Variants in WDR97 observed in about 807,000 individuals in gnomAD.
WDR97 encodes the protein WD repeat-containing protein 97.
Under a neutral mutation model 65.4 loss-of-function variants are expected in WDR97, and 111 were observed. The ratio of observed to expected loss-of-function variants is 1.70; its 90% CI spans 1.45 to 1.99. The LOEUF (loss-of-function observed/expected upper bound fraction) is 1.99. Among genes scored for constraint, WDR97 ranks in the 30% most tolerant of loss-of-function variants. The probability of loss-of-function intolerance (pLI) is 0.00; values close to 1 mark genes in which losing one functional copy is unlikely to be tolerated. For synonymous variants in WDR97, 802 were observed against 397.7 expected (o/e 2.02, Z -12.10); for missense variants, 1,674 against 865.0 (o/e 1.94, Z -11.73).
rs866709674 is a variant in WDR97, at chr8:144,109,462, G to A, written c.1128G>A (p.Trp376Ter). The A allele has an allele frequency of 5.7e-6, 4 of 700,358 alleles. No individual in the cohort carries two copies. Among genetic ancestry groups the A allele is most frequent in the Non-Finnish European group, 7.8e-6 (3 of 383,826 alleles). 43.4% of individuals were successfully genotyped at this position (700,358 alleles called of 1,614,324 possible). The change falls in exon 5 of 24, where the codon TGG (tryptophan) becomes TGA (stop). Residue 376 changes from tryptophan (W) to a stop codon, truncating the protein, a stop_gained. Coordinates refer to ENST00000323662, the MANE Select transcript of WDR97 (RefSeq NM_001316309.2). LOFTEE classifies it high-confidence loss of function. Reference protein sequence around the residue: ...AQVGEVALGFWGQDKLSRRVG... With the variant: ...AQVGEVALGF The stretch of plus-strand genomic sequence containing the variant: ...TGGGCGAGGTAGCGCTGGGCTTCTG[G>A]GGCCAGGACAAGCTGTCCCGGCGCG...
intron 1 of WDR97, 69 bp downstream of exon 1, chr8:144,107,931 GTCCCCTGGAACAAA>G: frequency 1.4e-6 from 1 of 702,098 alleles, no homozygotes; most frequent in Non-Finnish European, 2.6e-6. Flanking sequence ...CTTGGGTTCC[GTCCCCTGGAACAAA>G]ACTCCCCTGG....
At position 144,108,740 on chromosome 8, in the gene WDR97, T is replaced by C. The variant is rs1350728489; in HGVS notation, c.674T>C (p.Phe225Ser). The C allele has an allele frequency of 2.9e-6, 2 of 701,268 alleles. No individual in the cohort carries two copies. Among genetic ancestry groups the C allele is most frequent in the South Asian group, 3.0e-5 (2 of 67,536 alleles). The allele number at this position is 701,268 out of a possible 1,614,324, so 43.4% of individuals were successfully genotyped here. A position where few individuals can be genotyped will look rare whatever the true frequency, so the allele number is the denominator to read the frequency against. Residue 225 changes from phenylalanine (F) to serine (S), a missense_variant, in exon 3 of 24, where the codon TTC (phenylalanine) becomes TCC (serine). Physicochemically the swap from Phe to Ser is radical, Grantham distance 155. Transcript: ENST00000323662. ...EMNSSLALWQ[F>S]RSGGRRLVLR... Reference sequence around the variant, plus strand: ...AACAGCAGCCTGGCGCTCTGGCAGTTCCGTTCAGGTGGTCGCCGCCTGGTG... The same window carrying C: ...AACAGCAGCCTGGCGCTCTGGCAGTCCCGTTCAGGTGGTCGCCGCCTGGTG...
Position 144,114,155 on chromosome 8 carries a change from G to A in WDR97, c.3587G>A (p.Ser1196Asn). 1.4e-6 allele frequency: 1 copy of A among 702,688 alleles called. No homozygotes were observed. The highest frequency in any genetic ancestry group is 2.0e-5 in the Admixed American group (1 of 50,000). 43.5% of individuals were successfully genotyped at this position (702,688 alleles called of 1,614,324 possible). A position where few individuals can be genotyped will look rare whatever the true frequency, so the allele number is the denominator to read the frequency against. ...TTCAAAAAGTTGTTCCCCATCTTCA[G>A]CCTGCAGGTTGGAGGGAACTGGGGA... The part of the protein sequence containing the change: ...TWFKKLFPIF[S>N]LQAYPEAGTI... The change falls in exon 18 of 24, where the codon AGC becomes AAC. Residue 1196 changes from serine to asparagine, a missense_variant. Ser to Asn is a conservative substitution (Grantham distance 46). Coordinates refer to ENST00000323662, the MANE Select transcript of WDR97 (RefSeq NM_001316309.2).
chr8:144,110,094 C>CAGGCT lies in WDR97; in HGVS notation c.1701-19_1701-15dup. ...GAAGGAGCGGCAGGGTCCGCGCCAA[C>CAGGCT]AGGCTCTTCCCACTCGCAGGTACCT... On this transcript the variant is annotated intron_variant, in intron 5 of 23. Coordinates refer to ENST00000323662, the MANE Select transcript of WDR97 (RefSeq NM_001316309.2). The CAGGCT allele has an allele frequency of 2.9e-6, 2 of 700,958 alleles. No individual in the cohort carries two copies. The highest frequency in any genetic ancestry group is 5.4e-5 in the East Asian group (2 of 37,234). The allele number at this position is 700,958 out of a possible 1,614,324, so 43.4% of individuals were successfully genotyped here.
In WDR97 at chr8:144,110,014, C is replaced by T; in HGVS notation, c.1680C>T (p.Cys560=). Residue 560 remains cysteine, a synonymous_variant, in exon 5 of 24, where the codon TGC becomes TGT. Coordinates refer to ENST00000323662, the MANE Select transcript of WDR97 (RefSeq NM_001316309.2). The part of the protein sequence containing the change: ...WGELRCSSVA[C]AWKNKNRYLP... ...AGTTGCGCTGCAGCTCTGTGGCCTG[C>T]GCCTGGAAGAACAAGAACCGGTGGG... 1.4e-6 allele frequency: 1 copy of T among 696,828 alleles called. No individual in the cohort carries two copies. Among genetic ancestry groups the T allele is most frequent in the Non-Finnish European group, 2.6e-6 (1 of 380,936 alleles). The allele number at this position is 696,828 out of a possible 1,614,324, so 43.2% of individuals were successfully genotyped here. A position where few individuals can be genotyped will look rare whatever the true frequency, so the allele number is the denominator to read the frequency against.
rs1051968280 is a variant in WDR97 at position 144,111,949 on chromosome 8, G to C, written c.2700G>C (p.Glu900Asp). ...CCGGGACCCTCAGAGTGGAGAGAGA[G>C]ACCCGGGATGTGTGTGCTGTACCCC... is the stretch of plus-strand genomic sequence containing the variant. Reference protein sequence around the residue: ...WSAGTLRVERETRDVCAVPQA... With the variant: ...WSAGTLRVERDTRDVCAVPQA... Residue 900 changes from glutamate (E) to aspartate (D), a missense_variant, in exon 13 of 24, where the codon GAG becomes GAC. Transcript: ENST00000323662. 48 of 702,354 alleles carry C rather than the reference G, an allele frequency of 6.8e-5. No individual in the cohort carries two copies. The highest frequency in any genetic ancestry group is 1.1e-4 in the Non-Finnish European group (44 of 384,942). 43.5% of individuals were successfully genotyped at this position (702,354 alleles called of 1,614,324 possible).
In WDR97 at chr8:144,108,043, C is replaced by G. The variant is rs1230866510; in HGVS notation, c.113-16C>G. ...CTGAGGCTGTAGGTGGCAGAACTTC[C>G]AGTTCCTGCCCGCAGAGTTGACTTT... On this transcript the variant is annotated splice_polypyrimidine_tract_variant and intron_variant, in intron 1 of 23. Coordinates refer to ENST00000323662, the MANE Select transcript of WDR97 (RefSeq NM_001316309.2). 1.4e-6 allele frequency: 1 copy of G among 702,742 alleles called. No individual in the cohort carries two copies. Among genetic ancestry groups the G allele is most frequent in the Admixed American group, 2.0e-5 (1 of 50,024 alleles). 43.5% of individuals were successfully genotyped at this position (702,742 alleles called of 1,614,324 possible).
intron 21 of WDR97, among the ~76,000 whole-genome samples, 186 bp downstream of exon 21, chr8:144,115,097 G>T (rs368626669): frequency 2.0e-5 from 3 of 152,174 alleles, no homozygotes; most frequent in East Asian, 3.9e-4. Flanking sequence ...GTCAGCAGGG[G>T]GTGTCTGGCC....
rs1056134261 is a variant in WDR97, at chr8:144,112,234, GC to G, written c.2907del (p.Ser970ProfsTer3). 5.7e-6 allele frequency: 4 copies of G among 702,550 alleles called. No individual in the cohort carries two copies. The Admixed American group carries it at 8.0e-5, about 14-fold the overall frequency. The allele number at this position is 702,550 out of a possible 1,614,324, so 43.5% of individuals were successfully genotyped here. A position where few individuals can be genotyped will look rare whatever the true frequency, so the allele number is the denominator to read the frequency against. ...CCTCCTATGCCCCAGCTTCTGGCCC[GC>G]TCCTCACTGAGCCACTACCTGGGCA... ...VHSKASQLLA[R>X]SSLSHYLGIS... On this transcript the variant is annotated frameshift_variant, in exon 14 of 24. Coordinates refer to ENST00000323662, the MANE Select transcript of WDR97 (RefSeq NM_001316309.2). LOFTEE classifies it high-confidence loss of function.
rs943819614 is a variant in WDR97, at chr8:144,107,961, C to T, written c.113-98C>T. On this transcript the variant is annotated intron_variant, in intron 1 of 23. Coordinates refer to ENST00000323662, the MANE Select transcript of WDR97 (RefSeq NM_001316309.2). ...CTGGAACAAAACTCCCCTGGGCAGTCCCTGGTAGGGCAGGGCCCCTGGAGG... is the reference window on the plus strand; with the variant it reads ...CTGGAACAAAACTCCCCTGGGCAGTTCCTGGTAGGGCAGGGCCCCTGGAGG... The T allele has an allele frequency of 1.1e-4, 79 of 701,126 alleles. No homozygotes were observed. In the African/African-American group the frequency reaches 1.2e-3, roughly 11 times the overall value. 43.4% of individuals were successfully genotyped at this position (701,126 alleles called of 1,614,324 possible).
Position 144,115,677 on chromosome 8 carries a change from G to A in WDR97, c.4414G>A (p.Asp1472Asn), listed in dbSNP as rs1006985272. The A allele has an allele frequency of 8.6e-6, 6 of 699,296 alleles. No homozygotes were observed. The highest frequency in any genetic ancestry group is 2.7e-5 in the East Asian group (1 of 37,208). The allele number at this position is 699,296 out of a possible 1,614,324, so 43.3% of individuals were successfully genotyped here. A position where few individuals can be genotyped will look rare whatever the true frequency, so the allele number is the denominator to read the frequency against. Residue 1472 changes from aspartate to asparagine, a missense_variant, in exon 22 of 24, where the codon GAC becomes AAC. Physicochemically the swap from Asp to Asn is conservative, Grantham distance 23 (BLOSUM62 1). Transcript: ENST00000323662. ...PGEPPPLEET[D>N]WSHSQLLDLG... is the part of the protein sequence containing the mutation. ...AGAGCCGCCGCCGCTGGAGGAGACC[G>A]ACTGGTCGCACTCGCAGCTGCTGGA...
At position 144,115,821 on chromosome 8, in the gene WDR97, G is replaced by A. The variant is rs1836643052; in HGVS notation, c.4558G>A (p.Val1520Met). The A allele has an allele frequency of 7.3e-6, 5 of 687,942 alleles. No homozygotes were observed. In the Admixed American group the frequency reaches 1.0e-4, roughly 14 times the overall value. The allele number at this position is 687,942 out of a possible 1,614,324, so 42.6% of individuals were successfully genotyped here. A position where few individuals can be genotyped will look rare whatever the true frequency, so the allele number is the denominator to read the frequency against. The change falls in exon 22 of 24, where the codon GTG becomes ATG. Residue 1520 changes from valine to methionine, a missense_variant. Physicochemically the swap from Val to Met is conservative, Grantham distance 21. Coordinates refer to ENST00000323662, the MANE Select transcript of WDR97 (RefSeq NM_001316309.2). ...GCCAGAGCCCTACACGGTGGCGCCG[G>A]TGCCCGACATGGTGGTGCCACCTCC... ...HPPEPYTVAP[V>M]PDMVVPPPRE...
In WDR97 at chr8:144,109,762, C is replaced by G. The variant is rs1314188169; in HGVS notation, c.1428C>G (p.Cys476Trp). 1 of 677,310 alleles carries G rather than the reference C, an allele frequency of 1.5e-6. No homozygotes were observed. Among genetic ancestry groups the G allele is most frequent in the Middle Eastern group, 3.4e-4 (1 of 2,980 alleles). 42.0% of individuals were successfully genotyped at this position (677,310 alleles called of 1,614,324 possible). A position where few individuals can be genotyped will look rare whatever the true frequency, so the allele number is the denominator to read the frequency against. Residue 476 changes from cysteine (C) to tryptophan (W), a missense_variant, in exon 5 of 24, where the codon TGC (cysteine) becomes TGG (tryptophan). Cys to Trp is a radical substitution (Grantham distance 215, BLOSUM62 -2). Transcript: ENST00000323662. ...CACTGCTGCTGGAGCCGGAGGACTG[C>G]GCGGCAGCCGTGGCCTACTGCCTGC... is the stretch of plus-strand genomic sequence containing the variant. ...VSSLLLEPED[C>W]AAAVAYCLPR...
At chr8:144,111,835 C>T (rs917947605) in intron 12 of WDR97, 52 bp from the exon 13 acceptor site, 2 of 697,782 alleles carry the variant, frequency 2.9e-6, no homozygotes, top group Non-Finnish European at 5.2e-6. Context: ...TCTTCTCCAC[C>T]CACCCCTCCC....
Position 144,115,967 on chromosome 8 carries a change from G to A in WDR97, c.4620G>A (p.Gln1540=). The part of the protein sequence containing the change: ...EHWYHPILRL[Q]EAKPQRSARS... Reference sequence around the variant, plus strand: ...GGTACCACCCCATCCTCCGGCTGCAGGAGGCCAAGCCGCAGAGGTCCGCGA... The same window carrying A: ...GGTACCACCCCATCCTCCGGCTGCAAGAGGCCAAGCCGCAGAGGTCCGCGA... The change falls in exon 23 of 24, where the codon CAG becomes CAA. Residue 1540 remains glutamine (Q), a synonymous_variant. Coordinates refer to ENST00000323662, the MANE Select transcript of WDR97 (RefSeq NM_001316309.2). 1.4e-6 allele frequency: 1 copy of A among 701,096 alleles called. No homozygotes were observed. Among genetic ancestry groups the A allele is most frequent in the Non-Finnish European group, 2.6e-6 (1 of 384,432 alleles). The allele number at this position is 701,096 out of a possible 1,614,324, so 43.4% of individuals were successfully genotyped here. A position where few individuals can be genotyped will look rare whatever the true frequency, so the allele number is the denominator to read the frequency against.
Position 144,108,622 on chromosome 8 carries a change from CT to C in WDR97, c.557del (p.Leu186ArgfsTer31). 3 of 700,646 alleles carry C rather than the reference CT, an allele frequency of 4.3e-6. No individual in the cohort carries two copies. The allele number at this position is 700,646 out of a possible 1,614,324, so 43.4% of individuals were successfully genotyped here. On this transcript the variant is annotated frameshift_variant, in exon 3 of 24. Transcript: ENST00000323662. LOFTEE classifies it high-confidence loss of function. ...GAGGCCCAACCTCAGCCTGCTGTGG[CT>C]GAGCGAGCAGGGGGTGGGCAGGGCC... ...ILRPNLSLLW[L>X]SEQGVGRAPG...
intron 18 of WDR97, 53 bp from the exon 19 acceptor site, chr8:144,114,225 G>C: frequency 1.4e-6 from 1 of 694,260 alleles, no homozygotes; most frequent in South Asian, 1.5e-5. Context: ...GGAGAAGGTA[G>C]GGGCTGGCTT....
At position 144,118,126 on chromosome 8, in the gene WDR97, A is replaced by AGG. The variant is rs1814806895; in HGVS notation, c.*1833_*1834insGG. The AGG allele has an allele frequency of 6.6e-6, 1 of 152,126 alleles. No individual in the cohort carries two copies. 9.4% of individuals were successfully genotyped at this position (152,126 alleles called of 1,614,324 possible). On this transcript the variant is annotated 3_prime_UTR_variant, in exon 24 of 24. Coordinates refer to ENST00000323662, the MANE Select transcript of WDR97 (RefSeq NM_001316309.2). Reference sequence around the variant, plus strand: ...TGACAGATATCATAATATCACACCCACACATCAGGCAAGAGACTTGTTCCT... The same window carrying AGG: ...TGACAGATATCATAATATCACACCCAGGCACATCAGGCAAGAGACTTGTTCCT...
Position 144,114,351 on chromosome 8 carries a change from T to C in WDR97, c.3668T>C (p.Val1223Ala). 1 of 702,704 alleles carries C rather than the reference T, an allele frequency of 1.4e-6. No homozygotes were observed. The highest frequency in any genetic ancestry group is 2.7e-5 in the East Asian group (1 of 37,276). 43.5% of individuals were successfully genotyped at this position (702,704 alleles called of 1,614,324 possible). A position where few individuals can be genotyped will look rare whatever the true frequency, so the allele number is the denominator to read the frequency against. The change falls in exon 19 of 24, where the codon GTC (valine) becomes GCC (alanine). Residue 1223 changes from valine (V) to alanine (A), a missense_variant. Val to Ala is a moderately conservative substitution (Grantham distance 64, BLOSUM62 0). Transcript: ENST00000323662. ...LVALLEKTTWVDRVHILQVLL... is the reference protein window; with the variant it reads ...LVALLEKTTWADRVHILQVLL... ...GCCCTGCTGGAGAAGACCACGTGGG[T>C]CGACCGTGTGCACATCCTGCAGGTG...
Sources: gnomAD v4.1 joint callset for allele counts (sites outside exome capture counted in the v4.1 genomes callset) on GRCh38, gnomAD v4.1.1 for gene constraint, MANE v1.5 for transcripts, NCBI Gene and HGNC (gene_info 2026-07-23, HGNC 2026-07-21) for gene names.